The following SULT1E1 variants were observed in gnomAD, a reference collection of about 807,000 sequenced individuals.
SULT1E1 encodes the protein sulfotransferase family 1E member 1.
In SULT1E1, 36 loss-of-function variants were observed where a neutral mutation model predicts 33.6. That is an observed-to-expected ratio of 1.07 (90% CI 0.82 to 1.41). The LOEUF is 1.41. Ranked by LOEUF, SULT1E1 falls within the 40% of genes most tolerant of loss-of-function variation. The probability of loss-of-function intolerance (pLI) is 0.00; values close to 1 mark genes in which losing one functional copy is unlikely to be tolerated. For synonymous variants in SULT1E1, 121 were observed against 111.7 expected (o/e 1.08, Z -0.53); for missense variants, 371 against 345.7 (o/e 1.07, Z -0.58).
chr4:69,855,597 C>T (rs987150975), intron 2 of SULT1E1, among the ~76,000 whole-genome samples, 171 bp from the exon 3 acceptor site: 2 of 152,178 alleles, frequency 1.3e-5, no homozygotes, highest in Non-Finnish European at 2.9e-5. Context: ...ATGTTTAGAA[C>T]ACAAAAATAA....
At chr4:69,832,758 A>G in the SULT1E1 span, among the ~76,000 whole-genome samples, 5 of 152,320 alleles carry the variant, frequency 3.3e-5, no homozygotes, top group East Asian at 7.7e-4. Context: ...CACTGCTTAG[A>G]TGAAAAAGCA....
downstream of SULT1E1, among the ~76,000 whole-genome samples, chr4:69,840,996 G>T (rs79148145): frequency 7.2e-5 from 11 of 152,166 alleles, no homozygotes; most frequent in East Asian, 2.1e-3. Context: ...CAGTGAGCAT[G>T]AGCAGAGATC....
chr4:69,833,794 A>G, the SULT1E1 span, among the ~76,000 whole-genome samples: 1 of 152,122 alleles, frequency 6.6e-6, no homozygotes. Flanking sequence ...CTTTCATGGC[A>G]CTAACCCATG....
chr4:69,848,401 A>T (rs1332913172), intron 5 of SULT1E1, among the ~76,000 whole-genome samples: 1 of 151,830 alleles, frequency 6.6e-6, no homozygotes, highest in East Asian at 1.9e-4. Flanking sequence ...CACTCATAGT[A>T]AAAATGTTTC....
downstream of SULT1E1, among the ~76,000 whole-genome samples, chr4:69,840,655 A>G (rs1173390288): frequency 2.0e-5 from 3 of 152,324 alleles, no homozygotes; most frequent in African/African-American, 7.2e-5. Flanking sequence ...AATCACACTC[A>G]TTGGAATTAT....
chr4:69,846,879 T>G (rs1720987950), intron 6 of SULT1E1, among the ~76,000 whole-genome samples: 1 of 151,772 alleles, frequency 6.6e-6, no homozygotes, highest in Admixed American at 6.6e-5. Flanking sequence ...AAAAATTAGA[T>G]TATAAGAAAA....
downstream of SULT1E1, among the ~76,000 whole-genome samples, chr4:69,837,363 CA>C (rs1472134054): frequency 2.0e-5 from 3 of 151,716 alleles, no homozygotes; most frequent in Non-Finnish European, 4.4e-5. Context: ...AAAATATTAA[CA>C]ATAATAATAA....
chr4:69,838,988 C>T (rs972884658), downstream of SULT1E1, among the ~76,000 whole-genome samples: 3 of 152,260 alleles, frequency 2.0e-5, no homozygotes, highest in South Asian at 2.1e-4. Context: ...TATATCAACA[C>T]GGATGCTTGT....
In SULT1E1 at chr4:69,849,489, A is replaced by G; in HGVS notation, c.444T>C (p.His148=). ...ACTCTGGAAAGGATCCAGGATTTGG[A>G]TGACCAGCCACCATTAGAAAGAAAT... ...FYYFFLMVAG[H]PNPGSFPEFV... is the part of the protein sequence containing the mutation. The change falls in exon 5 of 8, where the codon CAT becomes CAC. Residue 148 remains histidine (H), a synonymous_variant. Coordinates refer to ENST00000226444, the MANE Select transcript of SULT1E1 (RefSeq NM_005420.3). 2 of 1,611,808 alleles carry G rather than the reference A, an allele frequency of 1.2e-6. No homozygotes were observed. Among genetic ancestry groups the G allele is most frequent in the Non-Finnish European group, 1.7e-6 (2 of 1,178,310 alleles).
the SULT1E1 span, among the ~76,000 whole-genome samples, chr4:69,822,041 T>C: frequency 6.6e-6 from 1 of 152,330 alleles, no homozygotes; most frequent in African/African-American, 2.4e-5. Flanking sequence ...ATGGTCCTTC[T>C]ATGCTCTGGA....
At chr4:69,837,483 T>C (rs910298637), downstream of SULT1E1, among the ~76,000 whole-genome samples, 1 of 152,094 alleles carries the variant, frequency 6.6e-6, no homozygotes, top group African/African-American at 2.4e-5. Flanking sequence ...GTTTGGGATG[T>C]TCAGAAAGGA....
intron 4 of SULT1E1, among the ~76,000 whole-genome samples, chr4:69,852,820 T>C (rs1262462240): frequency 6.6e-6 from 1 of 152,190 alleles, no homozygotes; most frequent in Non-Finnish European, 1.5e-5. Context: ...TGGACTATTA[T>C]AAATGTCTGG....
At chr4:69,826,911 T>A in the SULT1E1 span, among the ~76,000 whole-genome samples, 49 of 152,176 alleles carry the variant, frequency 3.2e-4, no homozygotes, top group African/African-American at 9.9e-4. Flanking sequence ...AGCCTCCATA[T>A]AGCTCCCCTT....
At chr4:69,829,974 G>A in the SULT1E1 span, among the ~76,000 whole-genome samples, 1 of 152,192 alleles carries the variant, frequency 6.6e-6, no homozygotes, top group Non-Finnish European at 1.5e-5. Flanking sequence ...CAGATCAGTG[G>A]TTAGTCCTGG....
chr4:69,830,474 C>T, the SULT1E1 span, among the ~76,000 whole-genome samples: 4 of 152,330 alleles, frequency 2.6e-5, no homozygotes, highest in African/African-American at 9.6e-5. Flanking sequence ...GTAAAACTGG[C>T]TTGGTCTTTC....
At chr4:69,859,932 A>C (rs964771940) in intron 1 of SULT1E1, 117 bp downstream of exon 1, 2 of 152,132 alleles carry the variant, frequency 1.3e-5, no homozygotes, top group East Asian at 3.8e-4. Flanking sequence ...TAAAGTATCA[A>C]TCAAGACTTT....
chr4:69,822,534 TG>T, the SULT1E1 span, among the ~76,000 whole-genome samples: 4 of 152,166 alleles, frequency 2.6e-5, no homozygotes, highest in South Asian at 8.3e-4. Flanking sequence ...GAAGATCATT[TG>T]AGCGTAGAAG....
At chr4:69,847,351 C>T (rs1386837365) in intron 6 of SULT1E1, among the ~76,000 whole-genome samples, 1 of 151,376 alleles carries the variant, frequency 6.6e-6, no homozygotes, top group Non-Finnish European at 1.5e-5. Flanking sequence ...AACATCTCTA[C>T]ATTTGCAGAC....
chr4:69,852,760 ATC>A (rs1435481710), intron 4 of SULT1E1, among the ~76,000 whole-genome samples: 1 of 152,130 alleles, frequency 6.6e-6, no homozygotes, highest in African/African-American at 2.4e-5. Flanking sequence ...CCCTCCAACT[ATC>A]TCCTAGTCTT....
Sources: allele counts gnomAD v4.1 joint callset (sites outside exome capture counted in the v4.1 genomes callset), GRCh38; gene constraint gnomAD v4.1.1; transcripts MANE v1.5; gene names NCBI Gene and HGNC (gene_info 2026-07-23, HGNC 2026-07-21).